Variants in GSG1 observed in about 807,000 individuals in gnomAD.
The protein encoded by GSG1 is germ cell-specific gene 1 protein.
GSG1 carries 28 observed loss-of-function variants against 30.8 expected under a neutral mutation model. That is an observed-to-expected ratio of 0.91 (90% CI 0.67 to 1.25). GSG1 has a LOEUF of 1.25. GSG1 is among the 50% of genes most tolerant of loss of function. The pLI is 0.00. For missense variants in GSG1, 435 were observed against 444.7 expected (o/e 0.98, Z 0.20); for synonymous variants, 162 against 178.0 (o/e 0.91, Z 0.71).
In GSG1 at chr12:13,103,610, G is replaced by T; in HGVS notation, c.-98C>A. The T allele has an allele frequency of 1.5e-6, 2 of 1,322,980 alleles. No individual in the cohort carries two copies. The highest frequency in any genetic ancestry group is 2.2e-6 in the Non-Finnish European group (2 of 922,366). 82.0% of individuals were successfully genotyped at this position (1,322,980 alleles called of 1,614,324 possible). ...AGTGTTTAGCGTGAGGATGAATCAG[G>T]TCCCCTCTTGCCAGCAGAGGGGTAA... On this transcript the variant is annotated 5_prime_UTR_variant, in exon 1 of 7. Transcript: ENST00000651961.
intron 1 of GSG1, among the ~76,000 whole-genome samples, chr12:13,096,473 CAAAA>C (rs775026265): frequency 1.3e-5 from 1 of 74,120 alleles, no homozygotes; most frequent in Non-Finnish European, 2.7e-5. Flanking sequence ...GACTCTGTCT[CAAAA>C]AAAAAAAAAA....
chr12:13,098,786 C>T (rs546180331), intron 1 of GSG1, among the ~76,000 whole-genome samples: 1 of 152,214 alleles, frequency 6.6e-6, no homozygotes, highest in East Asian at 1.9e-4. Flanking sequence ...ATAAACTGCA[C>T]CCCCTGTGCC....
intron 4 of GSG1, among the ~76,000 whole-genome samples, chr12:13,088,582 T>TTTTG (rs2120678133): frequency 6.6e-6 from 1 of 152,368 alleles, no homozygotes; most frequent in East Asian, 1.9e-4. Flanking sequence ...GCTGTTCTGT[T>TTTTG]TTTGCATTCC....
At chr12:13,089,022 G>A (rs970274875) in intron 3 of GSG1, 113 bp from the exon 4 acceptor site, 20 of 1,366,660 alleles carry the variant, frequency 1.5e-5, no homozygotes, top group Middle Eastern at 1.9e-4. Context: ...CACCTGCCCC[G>A]CATAGAGCAG....
At position 13,087,975 on chromosome 12, in the gene GSG1, A is replaced by G. The variant is rs1865701917; in HGVS notation, c.566T>C (p.Leu189Pro). The change falls in exon 5 of 7, where the codon CTA becomes CCA. Residue 189 changes from leucine to proline, a missense_variant. Leu to Pro is a moderately conservative substitution (Grantham distance 98). Coordinates refer to ENST00000651961, the MANE Select transcript of GSG1 (RefSeq NM_001080555.4). ...CCCACAGGCAGGGTTCCCAGTGAGTAGCAAGTCTGTTAGTAGCAGGAGGAA... is the reference window on the plus strand; with the variant it reads ...CCCACAGGCAGGGTTCCCAGTGAGTGGCAAGTCTGTTAGTAGCAGGAGGAA... ...ISFLLLLTDLLLTGNPACGLK... is the reference protein window; with the variant it reads ...ISFLLLLTDLPLTGNPACGLK... 1 of 1,614,262 alleles carries G rather than the reference A, an allele frequency of 6.2e-7. No homozygotes were observed.
At chr12:13,097,531 C>A (rs1158547114) in intron 1 of GSG1, among the ~76,000 whole-genome samples, 1 of 152,130 alleles carries the variant, frequency 6.6e-6, no homozygotes, top group African/African-American at 2.4e-5. Flanking sequence ...TTTCTGTATT[C>A]CATTATAACT....
In GSG1 at chr12:13,099,740, G is replaced by GTTTTTTT. The variant is rs1243237814; in HGVS notation, c.48+3718_48+3724dup. Reference sequence around the variant, plus strand: ...AAGGCCTGGGGCTAAGGGATCCGGTGTTTTTTTTTGTTTTTTTTTTTTTTT... The same window carrying GTTTTTTT: ...AAGGCCTGGGGCTAAGGGATCCGGTGTTTTTTTTTTTTTTTTGTTTTTTTTTTTTTTT... On this transcript the variant is annotated intron_variant, in intron 1 of 6. Coordinates refer to ENST00000651961, the MANE Select transcript of GSG1 (RefSeq NM_001080555.4). Among the ~76,000 whole-genome samples, 43 of 95,806 alleles carry GTTTTTTT rather than the reference G, an allele frequency of 4.5e-4. 1 individual carries two copies. Among genetic ancestry groups the GTTTTTTT allele is most frequent in the East Asian group, 7.5e-4 (2 of 2,676 alleles). 62.9% of individuals were successfully genotyped at this position (95,806 alleles called of 152,430 possible). A position where few individuals can be genotyped will look rare whatever the true frequency, so the allele number is the denominator to read the frequency against.
intron 2 of GSG1, 49 bp downstream of exon 2, chr12:13,090,454 C>T (rs1865974252): frequency 1.3e-6 from 2 of 1,536,734 alleles, no homozygotes; most frequent in Non-Finnish European, 1.8e-6. Context: ...GCATTAGATC[C>T]CTTGCCCGCC....
chr12:13,098,373 C>G (rs12227792), intron 1 of GSG1, among the ~76,000 whole-genome samples: 1 of 148,678 alleles, frequency 6.7e-6, no homozygotes. Context: ...TGTGTCAGCT[C>G]TATGGAATTC....
intron 3 of GSG1, 44 bp from the exon 4 acceptor site, chr12:13,088,953 T>C: frequency 6.2e-7 from 1 of 1,606,512 alleles, no homozygotes; most frequent in Non-Finnish European, 8.5e-7. Context: ...CTCCCTGGGA[T>C]GGTTGGAATG....
intron 1 of GSG1, among the ~76,000 whole-genome samples, chr12:13,100,848 A>G (rs1198569188): frequency 6.6e-6 from 1 of 152,140 alleles, no homozygotes; most frequent in East Asian, 1.9e-4. Context: ...AAGGGGCCAC[A>G]TCACCTCAAA....
chr12:13,088,115 A>G (rs1280042666), intron 4 of GSG1, 56 bp from the exon 5 acceptor site: 2 of 1,599,878 alleles, frequency 1.3e-6, no homozygotes, highest in East Asian at 4.5e-5. Context: ...AAAACTGAAT[A>G]AGCGGTGAGC....
chr12:13,103,456 T>C lies in GSG1; in HGVS notation c.48+9A>G, dbSNP rs1174685998. The C allele has an allele frequency of 1.2e-6, 2 of 1,609,108 alleles. No individual in the cohort carries two copies. Among genetic ancestry groups the C allele is most frequent in the East Asian group, 2.2e-5 (1 of 44,868 alleles). On this transcript the variant is annotated intron_variant, in intron 1 of 6. Transcript: ENST00000651961. ...GATGTTCATGAGATTTCAAAATCAC[T>C]GTACCTACCTCCTGGGTGAGGCAAA...
chr12:13,094,337 A>G (rs557025966), intron 1 of GSG1, among the ~76,000 whole-genome samples: 1 of 152,364 alleles, frequency 6.6e-6, no homozygotes, highest in East Asian at 1.9e-4. Context: ...TATGTAAAAC[A>G]TGATAAAGAC....
chr12:13,095,979 T>C (rs1454378897), intron 1 of GSG1, among the ~76,000 whole-genome samples: 2 of 152,174 alleles, frequency 1.3e-5, no homozygotes, highest in African/African-American at 4.8e-5. Context: ...GTAACTGGTG[T>C]GAATGGATTG....
chr12:13,101,349 G>A lies in GSG1; in HGVS notation c.48+2116C>T, dbSNP rs938497194. Among the ~76,000 whole-genome samples the A allele has an allele frequency of 7.9e-5, 12 of 152,230 alleles. No homozygotes were observed. The highest frequency in any genetic ancestry group is 5.2e-4 in the Admixed American group (8 of 15,290). Reference sequence around the variant, plus strand: ...GTTGCCGCGGCGACAGGCCGGCCGTGTTTGGCATTGTTTGCGAGGCCCCGC... The same window carrying A: ...GTTGCCGCGGCGACAGGCCGGCCGTATTTGGCATTGTTTGCGAGGCCCCGC... On this transcript the variant is annotated intron_variant, in intron 1 of 6. Transcript: ENST00000651961. This position sits in a 1 kb window ranked among gnomAD's most constrained non-coding sequence, Gnocchi z 5.8.
Position 13,084,730 on chromosome 12 carries a change from G to C in GSG1, c.*171C>G. On this transcript the variant is annotated 3_prime_UTR_variant, in exon 7 of 7. Coordinates refer to ENST00000651961, the MANE Select transcript of GSG1 (RefSeq NM_001080555.4). Reference sequence around the variant, plus strand: ...CAAGATGGAGCTGTAGAGGAAAAGAGAGCAGTGGCACCCAGGAATCCCTTA... The same window carrying C: ...CAAGATGGAGCTGTAGAGGAAAAGACAGCAGTGGCACCCAGGAATCCCTTA... 5.6e-6 allele frequency: 3 copies of C among 532,186 alleles called. No individual in the cohort carries two copies. The highest frequency in any genetic ancestry group is 6.7e-6 in the Non-Finnish European group (2 of 298,664). 33.0% of individuals were successfully genotyped at this position (532,186 alleles called of 1,614,324 possible). A position where few individuals can be genotyped will look rare whatever the true frequency, so the allele number is the denominator to read the frequency against.
intron 1 of GSG1, among the ~76,000 whole-genome samples, chr12:13,102,478 C>T (rs1365813269): frequency 1.3e-5 from 2 of 152,220 alleles, no homozygotes; most frequent in African/African-American, 4.8e-5. Flanking sequence ...TTCACATCCA[C>T]TTCTTTGTCA....
chr12:13,089,990 G>A (rs928982644), intron 2 of GSG1, among the ~76,000 whole-genome samples: 2 of 152,086 alleles, frequency 1.3e-5, no homozygotes, highest in Non-Finnish European at 1.5e-5. Flanking sequence ...CGGAGGTTGT[G>A]GTGAGCCAAG....
Sources: gnomAD v4.1 joint callset for allele counts (sites outside exome capture counted in the v4.1 genomes callset) on GRCh38, gnomAD v4.1.1 for gene constraint, Gnocchi (gnomAD v3.1) non-coding constraint, MANE v1.5 for transcripts, NCBI Gene and HGNC (gene_info 2026-07-23, HGNC 2026-07-21) for gene names.